Variants in ZNF831 observed in about 807,000 individuals in gnomAD.
ZNF831 encodes the protein chromosome 20 open reading frame 174.
Under a neutral mutation model 95.8 loss-of-function variants are expected in ZNF831, and 59 were observed. The observed-to-expected ratio is 0.62, with a 90% CI of 0.50 to 0.77. ZNF831 has a LOEUF of 0.77. Ranked by LOEUF, ZNF831 falls within the 30% of genes least tolerant of loss-of-function variation. The pLI, the probability that ZNF831 is intolerant of heterozygous loss-of-function variation, is 0.00. For missense variants in ZNF831, 2,205 were observed against 2,164.0 expected (o/e 1.02, Z -0.38); for synonymous variants, 961 against 925.5 (o/e 1.04, Z -0.70).
chr20:59,241,047 A>C (rs1241801273), intron 4 of ZNF831, among the ~76,000 whole-genome samples: 2 of 152,122 alleles, frequency 1.3e-5, no homozygotes, highest in African/African-American at 4.8e-5. Flanking sequence ...AAGAAAAAAA[A>C]GTCCTATAAT....
Position 59,233,143 on chromosome 20 carries a change from T to G in ZNF831, c.4028-19835T>G, listed in dbSNP as rs1986827097. On this transcript the variant is annotated intron_variant, in intron 4 of 5. Coordinates refer to ENST00000371030, the MANE Select transcript of ZNF831 (RefSeq NM_178457.3). ...AGAGGCAGGATTTAAACCCAGCAAC[T>G]GGCTCTGAGGTCCAGGTTCTTAGCG... Among the ~76,000 whole-genome samples, 6 of 152,152 alleles carry G rather than the reference T, an allele frequency of 3.9e-5. No homozygotes were observed. The South Asian group carries it at 1.2e-3, about 32-fold the overall frequency.
chr20:59,258,532 C>T lies in ZNF831; in HGVS notation c.*3789C>T, dbSNP rs1600700108. 1 of 152,558 alleles carries T rather than the reference C, an allele frequency of 6.6e-6. No homozygotes were observed. Among genetic ancestry groups the T allele is most frequent in the Non-Finnish European group, 1.5e-5 (1 of 68,016 alleles). 9.5% of individuals were successfully genotyped at this position (152,558 alleles called of 1,614,324 possible). ...ATCATTATCGGAATGTGCTGCTGCT[C>T]AACTCCCCAGACATAATTTAATATG... is the stretch of plus-strand genomic sequence containing the variant. On this transcript the variant is annotated 3_prime_UTR_variant, in exon 6 of 6. Transcript: ENST00000371030.
intron 4 of ZNF831, among the ~76,000 whole-genome samples, chr20:59,209,018 G>A (rs1292003867): frequency 6.6e-6 from 1 of 152,172 alleles, no homozygotes; most frequent in Non-Finnish European, 1.5e-5. Context: ...GGGGAACTAA[G>A]GTGACCCCTG....
At chr20:59,220,317 C>T (rs372413971) in intron 4 of ZNF831, among the ~76,000 whole-genome samples, 11 of 152,192 alleles carry the variant, frequency 7.2e-5, no homozygotes, top group African/African-American at 1.9e-4. Flanking sequence ...AACAAAATCA[C>T]GGAGGCACCA....
intron 4 of ZNF831, among the ~76,000 whole-genome samples, chr20:59,224,706 G>A (rs926771737): frequency 2.6e-5 from 4 of 152,124 alleles, no homozygotes; most frequent in Admixed American, 2.6e-4. Context: ...TTTAATAGTC[G>A]TTCAATCTAA....
chr20:59,184,294 C>G (rs1407691437), intron 1 of ZNF831, among the ~76,000 whole-genome samples: 1 of 152,144 alleles, frequency 6.6e-6, no homozygotes, highest in Non-Finnish European at 1.5e-5. Context: ...ACATCTTGCT[C>G]ACGTCCAGGT....
At chr20:59,235,406 C>T (rs1029752057) in intron 4 of ZNF831, among the ~76,000 whole-genome samples, 6 of 152,124 alleles carry the variant, frequency 3.9e-5, no homozygotes, top group African/African-American at 1.4e-4. Flanking sequence ...TCGTTGTAAC[C>T]TCTGCCCCCT....
intron 4 of ZNF831, among the ~76,000 whole-genome samples, chr20:59,223,474 C>G (rs750698163): frequency 4.6e-5 from 7 of 152,134 alleles, no homozygotes; most frequent in African/African-American, 1.7e-4. Flanking sequence ...GCAGGAGGAA[C>G]GAGCCGGCAG....
intron 4 of ZNF831, among the ~76,000 whole-genome samples, chr20:59,219,255 G>A (rs771644874): frequency 2.6e-5 from 4 of 152,198 alleles, no homozygotes; most frequent in Admixed American, 1.3e-4. Context: ...GTTAGGAACC[G>A]GTTGGTGGAC....
intron 4 of ZNF831, among the ~76,000 whole-genome samples, chr20:59,230,217 T>C (rs1986649566): frequency 6.6e-6 from 1 of 152,228 alleles, no homozygotes; most frequent in South Asian, 2.1e-4. Flanking sequence ...TTGTCTCTGC[T>C]AGCCATGCTG....
chr20:59,253,368 A>T (rs1405340561), intron 5 of ZNF831, among the ~76,000 whole-genome samples: 1 of 152,192 alleles, frequency 6.6e-6, no homozygotes, highest in African/African-American at 2.4e-5. Flanking sequence ...TCTTTAAAAA[A>T]AACCCCAAGT....
intron 5 of ZNF831, 27 bp from the exon 6 acceptor site, chr20:59,253,871 T>TTTTTTTTTCTTTTCAC: frequency 1.6e-6 from 1 of 629,050 alleles, no homozygotes; most frequent in Non-Finnish European, 2.3e-6. Flanking sequence ...CCCCCCCACT[T>TTTTTTTTTCTTTTCAC]TTTTTTTCCT....
In ZNF831 at chr20:59,180,285, A is replaced by C. The variant is rs140448522; in HGVS notation, c.-36-10699A>C. Among the ~76,000 whole-genome samples the C allele has an allele frequency of 8.3e-4, 127 of 152,172 alleles. 3 individuals carry two copies. In the East Asian group the frequency reaches 0.024, roughly 29 times the overall value. On this transcript the variant is annotated intron_variant, in intron 1 of 5. Coordinates refer to ENST00000371030, the MANE Select transcript of ZNF831 (RefSeq NM_178457.3). Reference sequence around the variant, plus strand: ...TATTTTTTGTAGAGATGGGGGTCTCACTATGTTGCCCAGGCTGGTCTCAAG... The same window carrying C: ...TATTTTTTGTAGAGATGGGGGTCTCCCTATGTTGCCCAGGCTGGTCTCAAG...
chr20:59,233,985 T>C (rs961926009), intron 4 of ZNF831, among the ~76,000 whole-genome samples: 1 of 152,242 alleles, frequency 6.6e-6, no homozygotes, highest in Non-Finnish European at 1.5e-5. Flanking sequence ...CCTGTCTGCT[T>C]CTTCTACTTC....
chr20:59,189,538 G>A (rs980177776), intron 1 of ZNF831, among the ~76,000 whole-genome samples: 4 of 152,030 alleles, frequency 2.6e-5, no homozygotes, highest in Non-Finnish European at 4.4e-5. Flanking sequence ...TTGAGACAGA[G>A]TTTCACTTTC....
intron 3 of ZNF831, among the ~76,000 whole-genome samples, chr20:59,197,474 G>A (rs1441537907): frequency 6.6e-6 from 1 of 152,158 alleles, no homozygotes. Flanking sequence ...CTAGTCGCTT[G>A]TCTTGGTGCA....
intron 1 of ZNF831, among the ~76,000 whole-genome samples, chr20:59,134,360 A>C (rs1273285076): frequency 1.3e-5 from 2 of 152,142 alleles, no homozygotes; most frequent in Non-Finnish European, 2.9e-5. Context: ...CCTGCTCATC[A>C]CTGTCACCCA....
chr20:59,216,200 T>C (rs746432738), intron 4 of ZNF831, among the ~76,000 whole-genome samples: 10 of 152,194 alleles, frequency 6.6e-5, no homozygotes, highest in South Asian at 2.1e-4. Flanking sequence ...AGGATCCTCA[T>C]TGGCTTGCAT....
intron 1 of ZNF831, among the ~76,000 whole-genome samples, chr20:59,144,760 G>C (rs988967916): frequency 2.0e-5 from 3 of 152,204 alleles, no homozygotes; most frequent in Admixed American, 1.3e-4. Flanking sequence ...TCCTGGTAGA[G>C]TCACTGCCAA....
Sources: allele counts gnomAD v4.1 joint callset (sites outside exome capture counted in the v4.1 genomes callset), GRCh38; gene constraint gnomAD v4.1.1; transcripts MANE v1.5; gene names NCBI Gene and HGNC (gene_info 2026-07-23, HGNC 2026-07-21).